GABRB1: variants seen among roughly 807,000 people sequenced by gnomAD.
GABRB1 encodes the protein gamma-aminobutyric acid type A receptor subunit beta1.
In GABRB1, 17 loss-of-function variants were observed where a neutral mutation model predicts 51.6. The observed-to-expected ratio is 0.33, with a 90% CI of 0.23 to 0.49. The LOEUF (loss-of-function observed/expected upper bound fraction) is 0.49, where lower values mean the gene tolerates loss of function less well. GABRB1 is among the 20% of genes least tolerant of loss of function. The probability of loss-of-function intolerance (pLI) is 0.99; values close to 1 mark genes in which losing one functional copy is unlikely to be tolerated. For synonymous variants in GABRB1, 247 were observed against 218.9 expected (o/e 1.13, Z -1.14); for missense variants, 410 against 600.6 (o/e 0.68, Z 3.32).
At chr4:47,151,861 T>G (rs1717474851) in intron 3 of GABRB1, among the ~76,000 whole-genome samples, 1 of 152,008 alleles carries the variant, frequency 6.6e-6, no homozygotes. Context: ...TTTCACTGAA[T>G]AGAGATCAGT....
intron 4 of GABRB1, among the ~76,000 whole-genome samples, chr4:47,296,714 A>G (rs1442265893): frequency 6.6e-6 from 1 of 152,196 alleles, no homozygotes; most frequent in Non-Finnish European, 1.5e-5. Flanking sequence ...ACAGAAAGTT[A>G]ACAAGGATAC....
chr4:47,265,155 A>G (rs1422448743), intron 4 of GABRB1, among the ~76,000 whole-genome samples: 2 of 152,234 alleles, frequency 1.3e-5, no homozygotes, highest in East Asian at 3.9e-4. Context: ...CTCTGTGTAC[A>G]TGTGTACACA....
intron 3 of GABRB1, among the ~76,000 whole-genome samples, chr4:47,047,252 A>G (rs1726135460): frequency 6.6e-6 from 1 of 152,194 alleles, no homozygotes; most frequent in Non-Finnish European, 1.5e-5. Flanking sequence ...AGAGAGATTC[A>G]CATGACTCTT....
intron 4 of GABRB1, among the ~76,000 whole-genome samples, chr4:47,201,639 T>C (rs1008141812): frequency 2.0e-5 from 3 of 152,134 alleles, no homozygotes; most frequent in Non-Finnish European, 4.4e-5. Flanking sequence ...ATCTGGGTGG[T>C]GGGTATATAT....
At chr4:47,194,388 C>T (rs1241605586) in intron 4 of GABRB1, among the ~76,000 whole-genome samples, 4 of 152,064 alleles carry the variant, frequency 2.6e-5, no homozygotes, top group Non-Finnish European at 5.9e-5. Context: ...TCTGCCAATC[C>T]TCTTGTTTTG....
intron 3 of GABRB1, among the ~76,000 whole-genome samples, chr4:47,097,400 G>T (rs561246753): frequency 1.3e-5 from 2 of 152,180 alleles, no homozygotes; most frequent in Admixed American, 1.3e-4. Context: ...TTAGGTCCTT[G>T]CTCCAATAAC....
Position 47,382,959 on chromosome 4 carries a change from A to C in GABRB1, c.545-20359A>C, listed in dbSNP as rs181352659. ...CATGCCCAGACACAATGCAATTTTT[A>C]AAACACAGACATTAATGTGCCCAAC... On this transcript the variant is annotated intron_variant, in intron 5 of 8. Coordinates refer to ENST00000295454, the MANE Select transcript of GABRB1 (RefSeq NM_000812.4). Among the ~76,000 whole-genome samples, 114 of 152,346 alleles carry C rather than the reference A, an allele frequency of 7.5e-4. 1 individual carries two copies. Among genetic ancestry groups the C allele is most frequent in the African/African-American group, 2.6e-3 (109 of 41,582 alleles).
intron 5 of GABRB1, among the ~76,000 whole-genome samples, chr4:47,329,496 G>A (rs1209901801): frequency 6.7e-6 from 1 of 148,196 alleles, no homozygotes; most frequent in Non-Finnish European, 1.5e-5. Context: ...AGAATATAGA[G>A]AATATATATT....
At chr4:47,332,765 T>C (rs961554572) in intron 5 of GABRB1, among the ~76,000 whole-genome samples, 5 of 152,068 alleles carry the variant, frequency 3.3e-5, no homozygotes, top group African/African-American at 1.2e-4. Context: ...CCTCCTCTTT[T>C]AATAGACCCA....
intron 3 of GABRB1, among the ~76,000 whole-genome samples, chr4:47,155,156 G>C (rs1458180583): frequency 6.6e-6 from 1 of 152,058 alleles, no homozygotes; most frequent in Non-Finnish European, 1.5e-5. Context: ...CTCTGTTCAA[G>C]CAGCAGGAAT....
At chr4:47,337,099 T>A (rs1007631266) in intron 5 of GABRB1, among the ~76,000 whole-genome samples, 2 of 151,982 alleles carry the variant, frequency 1.3e-5, no homozygotes, top group Non-Finnish European at 2.9e-5. Context: ...TGACATAAGA[T>A]TCAAATTTAG....
chr4:47,083,877 G>A (rs184070398), intron 3 of GABRB1, among the ~76,000 whole-genome samples: 1 of 151,992 alleles, frequency 6.6e-6, no homozygotes, highest in African/African-American at 2.4e-5. Context: ...TATGTCTAAG[G>A]GGTCAGAATA....
At chr4:47,415,871 T>C (rs182854462) in intron 8 of GABRB1, among the ~76,000 whole-genome samples, 136 of 152,272 alleles carry the variant, frequency 8.9e-4, no homozygotes, top group African/African-American at 3.1e-3. Flanking sequence ...TCCTAGACAT[T>C]CTAGCCACCT....
At chr4:47,236,404 T>C (rs1275839231) in intron 4 of GABRB1, among the ~76,000 whole-genome samples, 3 of 152,156 alleles carry the variant, frequency 2.0e-5, no homozygotes. Context: ...TAATTCTATA[T>C]TGAAAAGTAG....
chr4:47,115,355 T>G (rs1242944674), intron 3 of GABRB1, among the ~76,000 whole-genome samples: 1 of 152,186 alleles, frequency 6.6e-6, no homozygotes, highest in Non-Finnish European at 1.5e-5. Context: ...AATATTTGTC[T>G]GATATTTTCA....
At chr4:47,076,902 A>G (rs1727580045) in intron 3 of GABRB1, among the ~76,000 whole-genome samples, 1 of 152,198 alleles carries the variant, frequency 6.6e-6, no homozygotes. Context: ...CATTGAAGAA[A>G]ACTTTCTTTT....
intron 4 of GABRB1, among the ~76,000 whole-genome samples, chr4:47,248,624 C>G (rs1578032995): frequency 6.6e-6 from 1 of 151,998 alleles, no homozygotes; most frequent in African/African-American, 2.4e-5. Context: ...TGCTGTGAAT[C>G]CATCTGGTCC....
intron 7 of GABRB1, among the ~76,000 whole-genome samples, chr4:47,404,555 TCATCTCTTCA>T (rs1728506742): frequency 6.6e-6 from 1 of 151,502 alleles, no homozygotes; most frequent in Admixed American, 6.6e-5. Context: ...CTAACATATT[TCATCTCTTCA>T]CTTCGGAGAC....
chr4:47,379,157 A>T (rs2110027239), intron 5 of GABRB1, among the ~76,000 whole-genome samples: 1 of 152,322 alleles, frequency 6.6e-6, no homozygotes, highest in South Asian at 2.1e-4. Context: ...ATACTATAGT[A>T]CATAGTATAT....
Sources: gnomAD v4.1 joint callset for allele counts (sites outside exome capture counted in the v4.1 genomes callset) on GRCh38, gnomAD v4.1.1 for gene constraint, MANE v1.5 for transcripts, NCBI Gene and HGNC (gene_info 2026-07-23, HGNC 2026-07-21) for gene names.